Variants in RTN4 observed in about 807,000 individuals in gnomAD.
RTN4 encodes reticulon 4.
RTN4 carries 32 observed loss-of-function variants against 90.4 expected under a neutral mutation model. That is an observed-to-expected ratio of 0.35 (90% CI 0.27 to 0.48). The LOEUF (loss-of-function observed/expected upper bound fraction) is 0.48. Ranked by LOEUF, RTN4 falls within the 20% of genes least tolerant of loss-of-function variation. The pLI is 0.99. For synonymous variants in RTN4, 629 were observed against 552.5 expected (o/e 1.14, Z -1.94); for missense variants, 1,706 against 1,430.2 (o/e 1.19, Z -3.11).
At chr2:55,095,437 G>A (rs1669014161) in intron 1 of RTN4, among the ~76,000 whole-genome samples, 1 of 151,936 alleles carries the variant, frequency 6.6e-6, no homozygotes, top group Non-Finnish European at 1.5e-5. Context: ...TCTTATATTT[G>A]TGAGGTCCAT....
At position 54,973,072 on chromosome 2, in the gene RTN4, G is replaced by A. The variant is rs1677239878; in HGVS notation, c.*84C>T. On this transcript the variant is annotated 3_prime_UTR_variant, in exon 9 of 9. Transcript: ENST00000337526. ...TGTGAAACTGCACTGCAACGTCAAGGTTCGTTCTTCCCTGACCCTCCCCCG... is the reference window on the plus strand; with the variant it reads ...TGTGAAACTGCACTGCAACGTCAAGATTCGTTCTTCCCTGACCCTCCCCCG... 3.5e-6 allele frequency: 4 copies of A among 1,134,700 alleles called. No homozygotes were observed. The highest frequency in any genetic ancestry group is 2.0e-5 in the Admixed American group (1 of 50,948). The allele number at this position is 1,134,700 out of a possible 1,614,324, so 70.3% of individuals were successfully genotyped here.
At chr2:54,978,903 T>A (rs566346571) in intron 5 of RTN4, among the ~76,000 whole-genome samples, 1 of 152,278 alleles carries the variant, frequency 6.6e-6, no homozygotes, top group South Asian at 2.1e-4. Flanking sequence ...TTCCTTATGT[T>A]GAAAAAGTAA....
intron 1 of RTN4, among the ~76,000 whole-genome samples, chr2:55,034,453 G>T (rs1463751162): frequency 6.6e-6 from 1 of 152,164 alleles, no homozygotes; most frequent in African/African-American, 2.4e-5. Context: ...AGTGGGTTAT[G>T]ATCAGGCCAC....
intron 1 of RTN4, among the ~76,000 whole-genome samples, chr2:55,087,861 A>T (rs1668872502): frequency 6.6e-6 from 1 of 152,118 alleles, no homozygotes; most frequent in Non-Finnish European, 1.5e-5. Flanking sequence ...ATGTTTTTTA[A>T]TGTTTGTTGA....
At chr2:55,111,022 C>T (rs891125465) in intron 1 of RTN4, among the ~76,000 whole-genome samples, 1 of 152,028 alleles carries the variant, frequency 6.6e-6, no homozygotes, top group African/African-American at 2.4e-5. Context: ...GCCGGGGCAA[C>T]TGAGTAAGAC....
chr2:55,120,396 G>C, the RTN4 span, among the ~76,000 whole-genome samples: 4 of 152,106 alleles, frequency 2.6e-5, no homozygotes, highest in South Asian at 8.3e-4. Flanking sequence ...TAGAGCCCAG[G>C]CTTGGGCCCT....
At chr2:55,060,533 A>T (rs1464811102) in intron 2 of RTN4, 1 of 152,214 alleles carries the variant, frequency 6.6e-6, no homozygotes, top group Non-Finnish European at 1.5e-5. Flanking sequence ...GAGTGCTACT[A>T]TATGCTGGAC....
At chr2:55,135,585 T>C in the RTN4 span, among the ~76,000 whole-genome samples, 8 of 152,358 alleles carry the variant, frequency 5.3e-5, no homozygotes, top group South Asian at 1.4e-3. Context: ...TTTTTTACAC[T>C]TTACTGAAGT....
At chr2:54,974,013 C>A (rs774872673) in intron 6 of RTN4, 146 bp from the exon 7 acceptor site, 51 of 665,362 alleles carry the variant, frequency 7.7e-5, no homozygotes, top group Non-Finnish European at 1.1e-4. Flanking sequence ...CTGGATGCAT[C>A]TGCTGTTGAG....
the RTN4 span, among the ~76,000 whole-genome samples, chr2:55,128,172 A>G: frequency 6.6e-6 from 1 of 152,094 alleles, no homozygotes; most frequent in Non-Finnish European, 1.5e-5. Flanking sequence ...ACTACATGGC[A>G]GCTGCCTTTG....
intron 1 of RTN4, among the ~76,000 whole-genome samples, chr2:55,111,234 C>A (rs942644285): frequency 5.9e-5 from 9 of 151,538 alleles, no homozygotes; most frequent in Non-Finnish European, 1.2e-4. Flanking sequence ...GGAATACTTG[C>A]ATGAAAAAAA....
At chr2:55,016,556 C>G (rs1049518851) in intron 3 of RTN4, among the ~76,000 whole-genome samples, 1 of 152,114 alleles carries the variant, frequency 6.6e-6, no homozygotes, top group Non-Finnish European at 1.5e-5. Flanking sequence ...GCTACTCCAG[C>G]CTGAGTGACA....
chr2:55,062,491 G>A (rs966616080), intron 2 of RTN4, among the ~76,000 whole-genome samples: 11 of 152,208 alleles, frequency 7.2e-5, no homozygotes, highest in Non-Finnish European at 1.3e-4. Flanking sequence ...GCACTGAAGA[G>A]GGGAGCCACA....
the RTN4 span, among the ~76,000 whole-genome samples, chr2:55,127,029 G>A: frequency 4.6e-5 from 7 of 152,270 alleles, no homozygotes; most frequent in East Asian, 1.2e-3. Flanking sequence ...GTACGGGGAG[G>A]AAGAAGAGTA....
the RTN4 span, among the ~76,000 whole-genome samples, chr2:55,133,189 C>T: frequency 6.6e-6 from 1 of 152,046 alleles, no homozygotes; most frequent in African/African-American, 2.4e-5. Context: ...ACAACCTGGG[C>T]AGCAGACTGA....
intron 1 of RTN4, among the ~76,000 whole-genome samples, chr2:55,107,930 A>G (rs547913955): frequency 5.9e-5 from 9 of 151,636 alleles, no homozygotes; most frequent in Non-Finnish European, 1.3e-4. Flanking sequence ...ACTTTAAAAC[A>G]CACGTTTCCC....
chr2:55,099,877 G>A (rs1667822336), intron 1 of RTN4, among the ~76,000 whole-genome samples: 1 of 152,116 alleles, frequency 6.6e-6, no homozygotes, highest in Admixed American at 6.5e-5. Context: ...ATAGGGCTGT[G>A]TAAGCATTGA....
chr2:55,000,247 G>T (rs34928331), intron 3 of RTN4, among the ~76,000 whole-genome samples: 39,312 of 151,982 alleles, frequency 0.26, 5,233 homozygotes, highest in South Asian at 0.5. Flanking sequence ...AGCCTGATGG[G>T]TACCTGTTAC....
chr2:55,070,751 G>T (rs1390361993), intron 2 of RTN4, among the ~76,000 whole-genome samples: 1 of 150,538 alleles, frequency 6.6e-6, no homozygotes, highest in Non-Finnish European at 1.5e-5. Context: ...TTTGATTTTT[G>T]TTGTTGTTGT....
Sources: allele counts gnomAD v4.1 joint callset (sites outside exome capture counted in the v4.1 genomes callset), GRCh38; gene constraint gnomAD v4.1.1; transcripts MANE v1.5; gene names NCBI Gene and HGNC (gene_info 2026-07-23, HGNC 2026-07-21).